DCAKD: variants seen among roughly 807,000 people sequenced by gnomAD.
DCAKD encodes dephospho-CoA kinase domain-containing protein.
Under a neutral mutation model 18.7 loss-of-function variants are expected in DCAKD, and 15 were observed. The ratio of observed to expected loss-of-function variants is 0.80; its 90% CI spans 0.54 to 1.24. The LOEUF (loss-of-function observed/expected upper bound fraction) is 1.24, where lower values mean the gene tolerates loss of function less well. DCAKD is among the 50% of genes most tolerant of loss of function. DCAKD has a pLI of 0.00. For synonymous variants in DCAKD, 130 were observed against 133.0 expected, an observed-to-expected ratio of 0.98 and a Z score of 0.16; for missense variants, 301 against 322.0, an observed-to-expected ratio of 0.93 and a Z score of 0.50.
At chr17:45,058,349 C>A (rs1567856436) in intron 1 of DCAKD, among the ~76,000 whole-genome samples, 1 of 151,942 alleles carries the variant, frequency 6.6e-6, no homozygotes, top group African/African-American at 2.4e-5. Flanking sequence ...CACAAAATAT[C>A]TTTTTATCTT....
intron 4 of DCAKD, among the ~76,000 whole-genome samples, chr17:45,025,783 A>C (rs1597936233): frequency 8.3e-6 from 1 of 120,054 alleles, no homozygotes; most frequent in Non-Finnish European, 1.6e-5. Flanking sequence ...AGACAGTCTC[A>C]CTCTGTCGCC....
chr17:45,030,721 C>T (rs2053157529), intron 3 of DCAKD, among the ~76,000 whole-genome samples: 1 of 152,278 alleles, frequency 6.6e-6, no homozygotes, highest in East Asian at 1.9e-4. Context: ...CCAAGGTGGG[C>T]TGTCTCTACC....
Position 45,026,234 on chromosome 17 carries a change from T to C in DCAKD, c.405-1510A>G, listed in dbSNP as rs540727728. On this transcript the variant is annotated intron_variant, in intron 4 of 4. Coordinates refer to ENST00000651974, the MANE Select transcript of DCAKD (RefSeq NM_001288655.2). ...GCGCCTGGACTTTTTTTTTTTTTTTTTTTCTTTTTTTGAGATGGAGTCTTG... is the reference window on the plus strand; with the variant it reads ...GCGCCTGGACTTTTTTTTTTTTTTTCTTTCTTTTTTTGAGATGGAGTCTTG... 1.8e-3 allele frequency among the ~76,000 whole-genome samples: 265 copies of C among 147,554 alleles called. 3 individuals are homozygous for C. The highest frequency in any genetic ancestry group is 6.0e-3 in the African/African-American group (241 of 39,978).
chr17:45,028,330 G>A (rs1006860637), intron 4 of DCAKD, among the ~76,000 whole-genome samples: 4 of 151,056 alleles, frequency 2.6e-5, no homozygotes, highest in Non-Finnish European at 5.9e-5. Context: ...CAGGATGGTC[G>A]CGATCTTCTG....
intron 4 of DCAKD, among the ~76,000 whole-genome samples, chr17:45,025,945 C>T (rs1052620756): frequency 6.9e-6 from 1 of 145,788 alleles, no homozygotes; most frequent in Non-Finnish European, 1.5e-5. Context: ...TTTTTTGAGA[C>T]GGAGTCTCGC....
chr17:45,025,974 A>C (rs1366677276), intron 4 of DCAKD, among the ~76,000 whole-genome samples: 2 of 151,052 alleles, frequency 1.3e-5, no homozygotes, highest in Non-Finnish European at 2.9e-5. Context: ...GCTGGAGTGC[A>C]GTGGCACAAT....
At chr17:45,030,299 C>T (rs770766587) in intron 3 of DCAKD, 120 bp from the exon 4 acceptor site, 2 of 817,782 alleles carry the variant, frequency 2.4e-6, no homozygotes, top group Non-Finnish European at 4.2e-6. Context: ...CAAGGACACA[C>T]ATACCCTGCA....
chr17:45,030,501 G>A (rs944907623), intron 3 of DCAKD, among the ~76,000 whole-genome samples: 1 of 152,252 alleles, frequency 6.6e-6, no homozygotes, highest in African/African-American at 2.4e-5. Context: ...ACAGCACAGG[G>A]AGAGGGAGGC....
intron 4 of DCAKD, among the ~76,000 whole-genome samples, chr17:45,029,017 TA>T (rs937549856): frequency 9.2e-5 from 14 of 152,100 alleles, no homozygotes; most frequent in Non-Finnish European, 1.8e-4. Context: ...TAAGATCCTT[TA>T]AAAAAAATGT....
At chr17:45,029,984 T>C in intron 4 of DCAKD, 108 bp downstream of exon 4, 1 of 962,196 alleles carries the variant, frequency 1.0e-6, no homozygotes, top group African/African-American at 1.6e-5. Context: ...CAAACCCCCA[T>C]GCCTCTTGGC....
intron 1 of DCAKD, among the ~76,000 whole-genome samples, chr17:45,049,713 C>CTTTTTTTTTTTTTTTTTTTTTTTTTTTTT: frequency 8.9e-6 from 1 of 111,874 alleles, no homozygotes; most frequent in Non-Finnish European, 1.7e-5. Flanking sequence ...TTTTCTTTTC[C>CTTTTTTTTTTTTTTTTTTTTTTTTTTTTT]TTTTTTTTTT....
chr17:45,058,705 A>C (rs1250706417), intron 1 of DCAKD, among the ~76,000 whole-genome samples: 1 of 152,022 alleles, frequency 6.6e-6, no homozygotes, highest in Non-Finnish European at 1.5e-5. Context: ...TACTGGCATA[A>C]GCCCCAGCGC....
upstream of DCAKD, among the ~76,000 whole-genome samples, chr17:45,055,362 G>GTTTA (rs143325123): frequency 0.012 from 1,738 of 149,802 alleles, 31 homozygotes; most frequent in African/African-American, 0.038. Flanking sequence ...TTTTCTGTAC[G>GTTTA]TTTATTTATT....
chr17:45,031,893 T>G (rs766904840), intron 3 of DCAKD: 15 of 985,422 alleles, frequency 1.5e-5, no homozygotes, highest in Non-Finnish European at 1.7e-5. Flanking sequence ...TTTGTTATAC[T>G]CATCAGGGAA....
intron 1 of DCAKD, among the ~76,000 whole-genome samples, chr17:45,058,728 T>C (rs1309903525): frequency 6.6e-6 from 1 of 151,830 alleles, no homozygotes; most frequent in Non-Finnish European, 1.5e-5. Context: ...GGCCTGGCTT[T>C]ATTATTCTTC....
chr17:45,028,463 G>A (rs2053105016), intron 4 of DCAKD, among the ~76,000 whole-genome samples: 1 of 146,206 alleles, frequency 6.8e-6, no homozygotes, highest in African/African-American at 2.6e-5. Context: ...AGGCTGGAGT[G>A]CAATGGTACG....
chr17:45,032,908 G>T (rs916229248), intron 3 of DCAKD, among the ~76,000 whole-genome samples: 5 of 152,222 alleles, frequency 3.3e-5, no homozygotes, highest in African/African-American at 1.2e-4. Flanking sequence ...TGTGCCAAAG[G>T]CTGGCATGCA....
Position 45,024,320 on chromosome 17 carries a change from TGTGTGTGTGTGTGTGTGTGGGGA to T in DCAKD, c.*90_*112del. 1 of 467,708 alleles carries T rather than the reference TGTGTGTGTGTGTGTGTGTGGGGA, an allele frequency of 2.1e-6. No individual in the cohort carries two copies. The highest frequency in any genetic ancestry group is 3.4e-6 in the Non-Finnish European group (1 of 291,512). 29.0% of individuals were successfully genotyped at this position (467,708 alleles called of 1,614,324 possible). A position where few individuals can be genotyped will look rare whatever the true frequency, so the allele number is the denominator to read the frequency against. On this transcript the variant is annotated 3_prime_UTR_variant, in exon 5 of 5. Transcript: ENST00000651974. ...GTGTGTGTGTGTGTGTGTGTGTGTG[TGTGTGTGTGTGTGTGTGTGGGGA>T]GGGGGCTGAGAGGAAACAGGATGTG... is the stretch of plus-strand genomic sequence containing the variant.
chr17:45,032,182 G>A lies in DCAKD; in HGVS notation c.317-2003C>T, dbSNP rs2053183333. ...AAAGGCAGATGACTTCACTCTGGGTGGGGGACGGGAAGGACACTGGCACAA... is the reference window on the plus strand; with the variant it reads ...AAAGGCAGATGACTTCACTCTGGGTAGGGGACGGGAAGGACACTGGCACAA... On this transcript the variant is annotated intron_variant, in intron 3 of 4. Transcript: ENST00000651974. The A allele has an allele frequency of 6.3e-6, 6 of 951,580 alleles. 1 individual carries two copies. In the Admixed American group the frequency reaches 1.8e-4, roughly 29 times the overall value. 58.9% of individuals were successfully genotyped at this position (951,580 alleles called of 1,614,324 possible).
Sources: allele counts gnomAD v4.1 joint callset (sites outside exome capture counted in the v4.1 genomes callset), GRCh38; gene constraint gnomAD v4.1.1; transcripts MANE v1.5; gene names NCBI Gene and HGNC (gene_info 2026-07-23, HGNC 2026-07-21).